Variants in GUCY1A2 observed in about 807,000 individuals in gnomAD.
GUCY1A2 encodes guanylate cyclase 1 soluble subunit alpha 2.
In GUCY1A2, 27 loss-of-function variants were observed where a neutral mutation model predicts 63.5. That is an observed-to-expected ratio of 0.43 (90% CI 0.31 to 0.59). The LOEUF is 0.59. Ranked by LOEUF, GUCY1A2 falls within the 20% of genes least tolerant of loss-of-function variation. The probability of loss-of-function intolerance (pLI) is 0.11; values close to 1 mark genes in which losing one functional copy is unlikely to be tolerated. For missense variants in GUCY1A2, 768 were observed against 913.3 expected (o/e 0.84, Z 2.05); for synonymous variants, 364 against 343.5 (o/e 1.06, Z -0.66).
At chr11:106,845,546 G>A (rs775844199) in intron 4 of GUCY1A2, among the ~76,000 whole-genome samples, 6 of 151,512 alleles carry the variant, frequency 4.0e-5, no homozygotes, top group Non-Finnish European at 7.4e-5. Context: ...GCAGGTCAAT[G>A]TAGGTACAAT....
At chr11:106,889,969 A>T (rs2135477349) in intron 4 of GUCY1A2, among the ~76,000 whole-genome samples, 1 of 152,318 alleles carries the variant, frequency 6.6e-6, no homozygotes, top group Non-Finnish European at 1.5e-5. Flanking sequence ...TTATATAATT[A>T]ATAAATCTCT....
chr11:106,939,072 A>G (rs1860715907), intron 4 of GUCY1A2, among the ~76,000 whole-genome samples: 1 of 152,240 alleles, frequency 6.6e-6, no homozygotes, highest in Non-Finnish European at 1.5e-5. Flanking sequence ...GGTAACTTTT[A>G]GCATATGTAT....
intron 4 of GUCY1A2, among the ~76,000 whole-genome samples, chr11:106,818,232 C>T (rs967252228): frequency 6.6e-6 from 1 of 152,112 alleles, no homozygotes; most frequent in African/African-American, 2.4e-5. Flanking sequence ...TTCTGTTGAA[C>T]AAATCTACTG....
intron 5 of GUCY1A2, among the ~76,000 whole-genome samples, chr11:106,791,990 A>AT (rs1460662590): frequency 6.6e-6 from 1 of 151,738 alleles, no homozygotes; most frequent in Non-Finnish European, 1.5e-5. Context: ...CAGAGATACA[A>AT]TAAAAAAAGA....
chr11:106,784,204 T>C (rs978046545), intron 5 of GUCY1A2, among the ~76,000 whole-genome samples: 3 of 152,098 alleles, frequency 2.0e-5, no homozygotes, highest in African/African-American at 4.8e-5. Context: ...ATTGAGAAAA[T>C]GGCACACTCC....
intron 7 of GUCY1A2, among the ~76,000 whole-genome samples, chr11:106,696,094 T>A (rs1474755864): frequency 6.6e-6 from 1 of 152,154 alleles, no homozygotes. Flanking sequence ...AGAGTGTACA[T>A]CTTCTGGGAT....
intron 3 of GUCY1A2, among the ~76,000 whole-genome samples, chr11:106,965,726 G>C (rs144172355): frequency 5.1e-4 from 77 of 152,238 alleles, no homozygotes; most frequent in African/African-American, 1.3e-3. Flanking sequence ...CACAGGCCTG[G>C]CACATGGAGG....
chr11:106,704,377 A>G (rs1447317436), intron 7 of GUCY1A2, among the ~76,000 whole-genome samples: 1 of 152,198 alleles, frequency 6.6e-6, no homozygotes, highest in Non-Finnish European at 1.5e-5. Flanking sequence ...CTTGGTCCAA[A>G]GAAATTAAGT....
At chr11:106,757,798 G>A (rs1161311837) in intron 6 of GUCY1A2, among the ~76,000 whole-genome samples, 1 of 152,136 alleles carries the variant, frequency 6.6e-6, no homozygotes, top group African/African-American at 2.4e-5. Flanking sequence ...GCCCCTACTG[G>A]GAGATGTCTC....
intron 6 of GUCY1A2, among the ~76,000 whole-genome samples, chr11:106,722,507 G>T (rs1199851060): frequency 6.6e-6 from 1 of 151,752 alleles, no homozygotes; most frequent in Non-Finnish European, 1.5e-5. Flanking sequence ...TTTTGATAGT[G>T]CCCTTAGTAC....
At chr11:106,816,008 G>A (rs992158263) in intron 4 of GUCY1A2, among the ~76,000 whole-genome samples, 3 of 151,954 alleles carry the variant, frequency 2.0e-5, no homozygotes, top group Non-Finnish European at 4.4e-5. Context: ...ATAAATTTAT[G>A]TTGTTTTAAG....
chr11:106,793,563 C>T (rs1565291654), intron 5 of GUCY1A2, among the ~76,000 whole-genome samples: 1 of 151,908 alleles, frequency 6.6e-6, no homozygotes, highest in Non-Finnish European at 1.5e-5. Flanking sequence ...ATGAAAAAGG[C>T]AACCTACAGA....
chr11:106,916,203 C>T (rs1386683558), intron 4 of GUCY1A2, among the ~76,000 whole-genome samples: 1 of 145,578 alleles, frequency 6.9e-6, no homozygotes, highest in African/African-American at 2.4e-5. Flanking sequence ...AATAGTAAGA[C>T]TACTTTGAGA....
chr11:106,683,514 T>C lies in GUCY1A2; in HGVS notation c.*4035A>G, dbSNP rs1399610068. On this transcript the variant is annotated 3_prime_UTR_variant, in exon 8 of 8. Coordinates refer to ENST00000526355, the MANE Select transcript of GUCY1A2 (RefSeq NM_000855.3). ...TTCATTACTACACTTCAGAAGTACA[T>C]TGTTGCTCAGGCCTGACTGTGTGTG... 2 of 228,232 alleles carry C rather than the reference T, an allele frequency of 8.8e-6. No individual in the cohort carries two copies. The highest frequency in any genetic ancestry group is 8.7e-6 in the Non-Finnish European group (1 of 114,910). The allele number at this position is 228,232 out of a possible 1,614,324, so 14.1% of individuals were successfully genotyped here. A position where few individuals can be genotyped will look rare whatever the true frequency, so the allele number is the denominator to read the frequency against.
chr11:106,851,998 ATTTG>A (rs1859362302), intron 4 of GUCY1A2, among the ~76,000 whole-genome samples: 2 of 151,948 alleles, frequency 1.3e-5, no homozygotes, highest in African/African-American at 4.8e-5. Flanking sequence ...ATGTCATTCC[ATTTG>A]TTTGAGTCCT....
intron 3 of GUCY1A2, among the ~76,000 whole-genome samples, chr11:106,968,524 C>G (rs1254555009): frequency 6.6e-6 from 1 of 152,154 alleles, no homozygotes; most frequent in Non-Finnish European, 1.5e-5. Flanking sequence ...TCAGGAATTA[C>G]TTCAGTATCC....
intron 3 of GUCY1A2, among the ~76,000 whole-genome samples, chr11:106,964,872 C>T (rs112976425): frequency 6.6e-6 from 1 of 151,950 alleles, no homozygotes; most frequent in African/African-American, 2.4e-5. Flanking sequence ...CCCAGCTACT[C>T]GGGAGGCTGA....
chr11:106,827,660 A>C, intron 4 of GUCY1A2: 1 of 1,541,534 alleles, frequency 6.5e-7, no homozygotes, highest in Non-Finnish European at 9.0e-7. Context: ...TGATGTTGGG[A>C]AAGCGTTTTT....
At chr11:106,930,386 G>A (rs975172800) in intron 4 of GUCY1A2, among the ~76,000 whole-genome samples, 2 of 152,160 alleles carry the variant, frequency 1.3e-5, no homozygotes, top group Admixed American at 6.5e-5. Flanking sequence ...GTGCAGTGGT[G>A]CGATCCTGGC....
Sources: gnomAD v4.1 joint callset for allele counts (sites outside exome capture counted in the v4.1 genomes callset) on GRCh38, gnomAD v4.1.1 for gene constraint, MANE v1.5 for transcripts, NCBI Gene and HGNC (gene_info 2026-07-23, HGNC 2026-07-21) for gene names.